FSD1L: variants seen among roughly 807,000 people sequenced by gnomAD.
FSD1L encodes the protein fibronectin type III and SPRY domain containing 1 like, also known as FSD1-like protein.
FSD1L carries 45 observed loss-of-function variants against 71.6 expected under a neutral mutation model. That is an observed-to-expected ratio of 0.63 (90% CI 0.49 to 0.81). The LOEUF is 0.81. Ranked by LOEUF, FSD1L falls within the 30% of genes least tolerant of loss-of-function variation. The pLI is 0.00. For missense variants in FSD1L, 561 were observed against 618.1 expected (o/e 0.91, Z 0.98); for synonymous variants, 197 against 207.2 (o/e 0.95, Z 0.42).
chr9:105,475,909 C>G (rs915237347), intron 5 of FSD1L, among the ~76,000 whole-genome samples: 12 of 151,980 alleles, frequency 7.9e-5, no homozygotes, highest in African/African-American at 2.9e-4. Context: ...AACTGGTGTG[C>G]AATCTTTTTT....
intron 1 of FSD1L, among the ~76,000 whole-genome samples, chr9:105,457,668 C>T (rs1014758562): frequency 1.3e-5 from 2 of 152,266 alleles, no homozygotes; most frequent in African/African-American, 4.8e-5. Context: ...GCCGGCTGGG[C>T]TTGTTCTGCC....
chr9:105,448,505 C>T (rs1829771551), intron 1 of FSD1L, among the ~76,000 whole-genome samples: 1 of 152,232 alleles, frequency 6.6e-6, no homozygotes, highest in Non-Finnish European at 1.5e-5. Flanking sequence ...ACGGAGCCAT[C>T]CCCCTTTTAA....
intron 1 of FSD1L, among the ~76,000 whole-genome samples, chr9:105,461,283 A>C (rs1830677563): frequency 6.6e-6 from 1 of 152,176 alleles, no homozygotes; most frequent in Non-Finnish European, 1.5e-5. Flanking sequence ...GTTTTTGAGC[A>C]CTTGAAATGT....
intron 7 of FSD1L, among the ~76,000 whole-genome samples, chr9:105,485,831 G>T (rs1175786281): frequency 6.6e-6 from 1 of 151,952 alleles, no homozygotes; most frequent in Non-Finnish European, 1.5e-5. Context: ...TTTTAGTAGA[G>T]ACGGGGTTTC....
At position 105,528,702 on chromosome 9, in the gene FSD1L, A is replaced by G. The variant is rs569418919; in HGVS notation, c.1026-5791A>G. On this transcript the variant is annotated intron_variant, in intron 10 of 13. Coordinates refer to ENST00000481272, the MANE Select transcript of FSD1L (RefSeq NM_001145313.3). ...CCTGGAAGAAATCCTAGGCAATACCATTCAGGACATAAGCATGGGCAAAGA... is the reference window on the plus strand; with the variant it reads ...CCTGGAAGAAATCCTAGGCAATACCGTTCAGGACATAAGCATGGGCAAAGA... 2.6e-5 allele frequency among the ~76,000 whole-genome samples: 4 copies of G among 152,322 alleles called. No individual in the cohort carries two copies. In the East Asian group the frequency reaches 7.7e-4, roughly 29 times the overall value.
intron 4 of FSD1L, among the ~76,000 whole-genome samples, chr9:105,470,250 C>T (rs912052216): frequency 2.6e-5 from 4 of 152,016 alleles, no homozygotes; most frequent in Non-Finnish European, 5.9e-5. Flanking sequence ...CCTTGAGATT[C>T]TACATGAATT....
At chr9:105,534,385 C>A in intron 10 of FSD1L, 108 bp from the exon 11 acceptor site, 2 of 608,438 alleles carry the variant, frequency 3.3e-6, no homozygotes, top group Non-Finnish European at 5.7e-6. Flanking sequence ...ATTTCTATAA[C>A]ATAATTAGAA....
intron 10 of FSD1L, chr9:105,525,982 G>A (rs1402704566): frequency 1.3e-6 from 2 of 1,568,650 alleles, no homozygotes; most frequent in Non-Finnish European, 1.8e-6. Flanking sequence ...TGTTTGGTCA[G>A]AGCATACTAG....
At chr9:105,529,352 CAG>C (rs1393487347) in intron 10 of FSD1L, among the ~76,000 whole-genome samples, 1 of 152,052 alleles carries the variant, frequency 6.6e-6, no homozygotes, top group Non-Finnish European at 1.5e-5. Context: ...CTATTCACAA[CAG>C]AAAGCCTTGG....
intron 13 of FSD1L, among the ~76,000 whole-genome samples, chr9:105,544,601 G>A (rs1836853778): frequency 6.6e-6 from 1 of 152,056 alleles, no homozygotes; most frequent in Non-Finnish European, 1.5e-5. Flanking sequence ...ATTAATTTTT[G>A]TATAAGGTGT....
chr9:105,519,996 C>T (rs921962862), intron 10 of FSD1L: 17 of 1,402,544 alleles, frequency 1.2e-5, no homozygotes, highest in Admixed American at 8.5e-5. Flanking sequence ...GGAGTCGGCT[C>T]TGCCCTGGCC....
At chr9:105,467,269 TATA>T (rs1157162742) in intron 3 of FSD1L, among the ~76,000 whole-genome samples, 1 of 152,216 alleles carries the variant, frequency 6.6e-6, no homozygotes, top group African/African-American at 2.4e-5. Context: ...AGTTTGGACA[TATA>T]ATATTACAGT....
chr9:105,496,188 C>G (rs890003226), intron 7 of FSD1L, among the ~76,000 whole-genome samples: 7 of 141,864 alleles, frequency 4.9e-5, no homozygotes, highest in Non-Finnish European at 1.1e-4. Context: ...AGTACCAGGT[C>G]TTGATGACTG....
intron 7 of FSD1L, among the ~76,000 whole-genome samples, chr9:105,495,969 T>TAAA (rs753244834): frequency 2.2e-5 from 3 of 135,046 alleles, no homozygotes; most frequent in Non-Finnish European, 4.8e-5. Context: ...AGACTCCATC[T>TAAA]AAAAAAAAAA....
intron 8 of FSD1L, among the ~76,000 whole-genome samples, chr9:105,508,268 C>G (rs185167799): frequency 2.0e-5 from 3 of 151,416 alleles, no homozygotes; most frequent in Admixed American, 6.6e-5. Flanking sequence ...AGCTCCGCCT[C>G]CCCGGTTCAC....
At chr9:105,445,136 G>A (rs959050503), upstream of FSD1L, among the ~76,000 whole-genome samples, 1 of 152,242 alleles carries the variant, frequency 6.6e-6, no homozygotes, top group Non-Finnish European at 1.5e-5. Context: ...GGGAGACTTA[G>A]AGCCCAGCTC....
intron 1 of FSD1L, among the ~76,000 whole-genome samples, chr9:105,448,650 A>T (rs1468979930): frequency 6.6e-6 from 1 of 152,176 alleles, no homozygotes; most frequent in East Asian, 1.9e-4. Context: ...CTGACGCCGA[A>T]AGCTGGGGCT....
At chr9:105,523,927 CTT>C in intron 10 of FSD1L, 1 of 1,591,388 alleles carries the variant, frequency 6.3e-7, no homozygotes, top group Non-Finnish European at 8.6e-7. Context: ...GCTTCTTCAG[CTT>C]TTCTCAATGC....
At chr9:105,460,425 A>T (rs1430908154) in intron 1 of FSD1L, among the ~76,000 whole-genome samples, 4 of 151,858 alleles carry the variant, frequency 2.6e-5, no homozygotes, top group Non-Finnish European at 5.9e-5. Context: ...CCCCATCTCT[A>T]CCAAAAAATA....
Sources: allele counts gnomAD v4.1 joint callset (sites outside exome capture counted in the v4.1 genomes callset), GRCh38; gene constraint gnomAD v4.1.1; transcripts MANE v1.5; gene names NCBI Gene and HGNC (gene_info 2026-07-23, HGNC 2026-07-21).